UNC5C: variants seen among roughly 807,000 people sequenced by gnomAD.
UNC5C encodes the protein netrin receptor UNC5C.
In UNC5C, 47 loss-of-function variants were observed where a neutral mutation model predicts 99.8. The observed-to-expected ratio is 0.47, with a 90% CI of 0.37 to 0.60. The LOEUF is 0.60. Ranked by LOEUF, UNC5C falls within the 20% of genes least tolerant of loss-of-function variation. UNC5C has a pLI of 0.00. For missense variants in UNC5C, 1,062 were observed against 1,165.9 expected, an observed-to-expected ratio of 0.91 and a Z score of 1.30; for synonymous variants, 487 against 452.2, an observed-to-expected ratio of 1.08 and a Z score of -0.98.
chr4:95,504,889 G>T (rs1721874085), intron 1 of UNC5C, among the ~76,000 whole-genome samples: 1 of 151,928 alleles, frequency 6.6e-6, no homozygotes, highest in African/African-American at 2.4e-5. Context: ...TAGTTTTTAT[G>T]ATCTTATGAT....
intron 3 of UNC5C, among the ~76,000 whole-genome samples, chr4:95,288,791 T>C (rs1407053669): frequency 6.6e-6 from 1 of 152,208 alleles, no homozygotes; most frequent in East Asian, 1.9e-4. Flanking sequence ...CAATCTCCCT[T>C]TGTCTTTCTC....
chr4:95,254,607 A>G (rs1291534523), intron 4 of UNC5C, among the ~76,000 whole-genome samples: 1 of 152,174 alleles, frequency 6.6e-6, no homozygotes, highest in Non-Finnish European at 1.5e-5. Context: ...TATAGAATCT[A>G]AGGCTCTGCC....
intron 1 of UNC5C, among the ~76,000 whole-genome samples, chr4:95,353,763 C>A (rs960151042): frequency 1.3e-5 from 2 of 151,932 alleles, no homozygotes; most frequent in Non-Finnish European, 2.9e-5. Flanking sequence ...TATTGTGACA[C>A]TAAAAATAGT....
rs1579277074 is a variant in UNC5C, at chr4:95,261,526, T to A, written c.595-10859A>T. Among the ~76,000 whole-genome samples the A allele has an allele frequency of 2.0e-5, 3 of 152,078 alleles. No individual in the cohort carries two copies. In the East Asian group the frequency reaches 5.8e-4, roughly 29 times the overall value. On this transcript the variant is annotated intron_variant, in intron 4 of 15. Transcript: ENST00000453304. ...ATAACAAACTAAATCATATAAAGTT[T>A]CCTAAAACATGGCATATAAATAACT...
At chr4:95,487,458 A>T (rs1003245258) in intron 1 of UNC5C, among the ~76,000 whole-genome samples, 7 of 151,540 alleles carry the variant, frequency 4.6e-5, no homozygotes, top group Admixed American at 1.3e-4. Flanking sequence ...ATAAACATTA[A>T]CTCTATGGTA....
At chr4:95,319,481 T>C (rs768243030) in intron 2 of UNC5C, among the ~76,000 whole-genome samples, 2 of 152,246 alleles carry the variant, frequency 1.3e-5, no homozygotes, top group African/African-American at 2.4e-5. Context: ...CTGTATTTCC[T>C]ACATGCTGTG....
chr4:95,304,351 A>G lies in UNC5C; in HGVS notation c.347-2602T>C, dbSNP rs1162926738. Reference sequence around the variant, plus strand: ...ATCACCCTTCTATGGAAAGAAGATTAGTAGATTATGTTAGCCAATGTCTAA... The same window carrying G: ...ATCACCCTTCTATGGAAAGAAGATTGGTAGATTATGTTAGCCAATGTCTAA... On this transcript the variant is annotated intron_variant, in intron 2 of 15. Coordinates refer to ENST00000453304, the MANE Select transcript of UNC5C (RefSeq NM_003728.4). 2.6e-5 allele frequency among the ~76,000 whole-genome samples: 4 copies of G among 152,222 alleles called. No homozygotes were observed. The East Asian group carries it at 7.7e-4, about 29-fold the overall frequency.
chr4:95,376,407 T>C (rs1744897247), intron 1 of UNC5C, among the ~76,000 whole-genome samples: 1 of 152,138 alleles, frequency 6.6e-6, no homozygotes, highest in Non-Finnish European at 1.5e-5. Flanking sequence ...AAAATCGTTT[T>C]CATATTCTAT....
intron 1 of UNC5C, among the ~76,000 whole-genome samples, chr4:95,404,309 GT>G (rs1291968994): frequency 6.6e-6 from 1 of 151,910 alleles, no homozygotes; most frequent in Non-Finnish European, 1.5e-5. Flanking sequence ...TTAGCTGCTG[GT>G]ATTGATGAAA....
chr4:95,401,562 C>A (rs566210298), intron 1 of UNC5C, among the ~76,000 whole-genome samples: 6 of 152,150 alleles, frequency 3.9e-5, no homozygotes, highest in Admixed American at 6.5e-5. Context: ...ACTTTGGTCT[C>A]CCAACGTGCT....
At chr4:95,200,529 A>G (rs1737614139) in intron 12 of UNC5C, among the ~76,000 whole-genome samples, 1 of 152,270 alleles carries the variant, frequency 6.6e-6, no homozygotes, top group Admixed American at 6.5e-5. Context: ...TGATACATCT[A>G]TAAAGTGGAG....
intron 2 of UNC5C, among the ~76,000 whole-genome samples, chr4:95,320,588 T>C (rs1182888421): frequency 2.0e-5 from 3 of 152,238 alleles, no homozygotes; most frequent in Admixed American, 6.5e-5. Context: ...CCACAGCATA[T>C]GCACGGTTGC....
At position 95,169,185 on chromosome 4, in the gene UNC5C, C is replaced by T. The variant is rs182835740; in HGVS notation, c.*49G>A. ...CAGCTGTGATTCACCTGGACGGCCA[C>T]AGACTCCCTGTGCATTTTTGTCCTT... On this transcript the variant is annotated 3_prime_UTR_variant, in exon 16 of 16. Transcript: ENST00000453304. 77 of 1,603,870 alleles carry T rather than the reference C, an allele frequency of 4.8e-5. No homozygotes were observed. In the African/African-American group the frequency reaches 7.9e-4, roughly 16 times the overall value.
intron 1 of UNC5C, among the ~76,000 whole-genome samples, chr4:95,427,650 G>A (rs756892954): frequency 1.4e-4 from 21 of 151,996 alleles, no homozygotes; most frequent in Admixed American, 8.5e-4. Flanking sequence ...ATTGTTTTTC[G>A]GATAGAATGC....
intron 3 of UNC5C, among the ~76,000 whole-genome samples, chr4:95,287,599 A>G (rs1741281022): frequency 2.0e-5 from 3 of 152,162 alleles, no homozygotes; most frequent in Non-Finnish European, 4.4e-5. Flanking sequence ...TACCTAACTG[A>G]CCACGATATT....
chr4:95,368,082 T>G (rs1035750322), intron 1 of UNC5C, among the ~76,000 whole-genome samples: 1 of 152,156 alleles, frequency 6.6e-6, no homozygotes, highest in African/African-American at 2.4e-5. Context: ...CCTGTTAGCA[T>G]AGCGTATGAA....
chr4:95,452,552 T>C (rs1747307572), intron 1 of UNC5C, among the ~76,000 whole-genome samples: 1 of 152,104 alleles, frequency 6.6e-6, no homozygotes, highest in African/African-American at 2.4e-5. Context: ...TGACGTGTTA[T>C]CCAGAGGAAA....
At chr4:95,460,948 C>A (rs547244071) in intron 1 of UNC5C, among the ~76,000 whole-genome samples, 16 of 152,236 alleles carry the variant, frequency 1.1e-4, no homozygotes, top group African/African-American at 3.9e-4. Flanking sequence ...ATGAAAGATG[C>A]TTATTATTCA....
At chr4:95,391,322 G>A (rs1334068729) in intron 1 of UNC5C, among the ~76,000 whole-genome samples, 3 of 152,036 alleles carry the variant, frequency 2.0e-5, no homozygotes, top group African/African-American at 4.8e-5. Context: ...GCTGGTCTCC[G>A]ACTCCTGAAC....
Sources: gnomAD v4.1 joint callset for allele counts (sites outside exome capture counted in the v4.1 genomes callset) on GRCh38, gnomAD v4.1.1 for gene constraint, MANE v1.5 for transcripts, NCBI Gene and HGNC (gene_info 2026-07-23, HGNC 2026-07-21) for gene names.